WIZ: variants seen among roughly 807,000 people sequenced by gnomAD.
The protein encoded by WIZ is protein Wiz.
Under a neutral mutation model 140.2 loss-of-function variants are expected in WIZ, and 25 were observed. The ratio of observed to expected loss-of-function variants is 0.18; its 90% CI spans 0.13 to 0.25. The LOEUF is 0.25. Among genes scored for constraint, WIZ ranks in the 10% least tolerant of loss-of-function variants. WIZ has a pLI of 1.00. For synonymous variants in WIZ, 1,125 were observed against 1,154.3 expected (o/e 0.97, Z 0.51); for missense variants, 2,231 against 2,632.6 (o/e 0.85, Z 3.34).
chr19:15,429,691 G>A lies in WIZ; in HGVS notation c.3310C>T (p.Pro1104Ser), dbSNP rs1969093345. 5 of 1,441,314 alleles carry A rather than the reference G, an allele frequency of 3.5e-6. No individual in the cohort carries two copies. The highest frequency in any genetic ancestry group is 5.0e-5 in the East Asian group (2 of 39,740). 89.3% of individuals were successfully genotyped at this position (1,441,314 alleles called of 1,614,324 possible). The change falls in exon 7 of 13, where the codon CCT becomes TCT. Residue 1104 changes from proline to serine, a missense_variant. By Grantham distance (74) the Pro-to-Ser change is moderately conservative. Around this residue, in one of 15 missense-constraint regions of WIZ, gnomAD observed 163 missense variants for 166.8 expected, o/e 0.98. Coordinates refer to ENST00000673675, the MANE Select transcript of WIZ (RefSeq NM_001371589.1). ...TPLALAGSPT[P>S]KNPEDKSPQL... ...GGGCTCTTGTCCTCAGGATTCTTAG[G>A]GGTAGGGGAGCCCGCCAGGGCCAGT...
Position 15,424,564 on chromosome 19 carries a change from C to T in WIZ, c.5314+49G>A. On this transcript the variant is annotated intron_variant, in intron 11 of 12. Coordinates refer to ENST00000673675, the MANE Select transcript of WIZ (RefSeq NM_001371589.1). This position sits in a 1 kb window ranked among gnomAD's most constrained non-coding sequence, Gnocchi z 9.7. ...AGCGCCTGGGGAGTGGCTGGGTGGGCCTGACAGGTGCCCGCTGCGCTCCCG... is the reference window on the plus strand; with the variant it reads ...AGCGCCTGGGGAGTGGCTGGGTGGGTCTGACAGGTGCCCGCTGCGCTCCCG... 1.3e-6 allele frequency: 2 copies of T among 1,543,596 alleles called. No individual in the cohort carries two copies. Among genetic ancestry groups the T allele is most frequent in the Non-Finnish European group, 1.7e-6 (2 of 1,151,548 alleles).
chr19:15,445,087 A>C (rs1270265626), intron 2 of WIZ, among the ~76,000 whole-genome samples: 5 of 152,252 alleles, frequency 3.3e-5, no homozygotes, highest in African/African-American at 1.2e-4. Context: ...GGGATCCAGG[A>C]GTCCCTACGG....
intron 2 of WIZ, among the ~76,000 whole-genome samples, chr19:15,444,053 C>T (rs1410021097): frequency 4.6e-5 from 7 of 152,194 alleles, no homozygotes; most frequent in Admixed American, 3.3e-4. Flanking sequence ...GGCCAATTGC[C>T]CGGGCCAAGG....
intron 4 of WIZ, among the ~76,000 whole-genome samples, chr19:15,437,955 T>C (rs1039663874): frequency 6.6e-6 from 1 of 152,078 alleles, no homozygotes; most frequent in Admixed American, 6.6e-5. Context: ...CTGCCTGGTT[T>C]CCTGGTTGTC....
At position 15,437,123 on chromosome 19, in the gene WIZ, T is replaced by C. The variant is rs1447591509; in HGVS notation, c.2423A>G (p.Asn808Ser). The change falls in exon 5 of 13, where the codon AAC (asparagine) becomes AGC (serine). Residue 808 changes from asparagine to serine, a missense_variant. Asn to Ser is a conservative substitution (Grantham distance 46). Coordinates refer to ENST00000673675, the MANE Select transcript of WIZ (RefSeq NM_001371589.1). ...CAGGCTGAAGGTGCCTGGGTCAAAG[T>C]TGGCCACTGTGGAGAGAGGACAGGA... ...SFQKKKKKVANFDPGTFSLMR... is the reference protein window; with the variant it reads ...SFQKKKKKVASFDPGTFSLMR... The C allele has an allele frequency of 1.3e-6, 2 of 1,596,654 alleles. No homozygotes were observed. The highest frequency in any genetic ancestry group is 1.7e-6 in the Non-Finnish European group (2 of 1,172,336).
At position 15,437,144 on chromosome 19, in the gene WIZ, C is replaced by T; in HGVS notation, c.2417-15G>A. ...AAAGTTGGCCACTGTGGAGAGAGGA[C>T]AGGACTGCCTGAGGTGGAGAGGGGG... On this transcript the variant is annotated splice_polypyrimidine_tract_variant and intron_variant, in intron 4 of 12. Transcript: ENST00000673675. 1 of 1,571,506 alleles carries T rather than the reference C, an allele frequency of 6.4e-7. No individual in the cohort carries two copies. The highest frequency in any genetic ancestry group is 8.6e-7 in the Non-Finnish European group (1 of 1,159,400).
Position 15,425,683 on chromosome 19 carries a change from C to T in WIZ, c.4452G>A (p.Ala1484=), listed in dbSNP as rs747181116. The T allele has an allele frequency of 4.3e-6, 7 of 1,613,050 alleles. No individual in the cohort carries two copies. Among genetic ancestry groups the T allele is most frequent in the Admixed American group, 3.3e-5 (2 of 59,964 alleles). Residue 1484 remains alanine, a synonymous_variant, in exon 10 of 13, where the codon GCG becomes GCA. Transcript: ENST00000673675. Reference sequence around the variant, plus strand: ...CACCCATCTGCCGCAGGTGTGAGCGCGCGTGACTCGACAGGCCCTTGCGGT... The same window carrying T: ...CACCCATCTGCCGCAGGTGTGAGCGTGCGTGACTCGACAGGCCCTTGCGGT... ...FENRKGLSSH[A]RSHLRQMGVT...
Position 15,439,895 on chromosome 19 carries a change from G to C in WIZ, c.1099C>G (p.Leu367Val). Reference sequence around the variant, plus strand: ...TGATGCAGCTGCCGGTGCTGCTCCAGGGCAGTGGGGTCAGCAAAGGCCCAG... The same window carrying C: ...TGATGCAGCTGCCGGTGCTGCTCCACGGCAGTGGGGTCAGCAAAGGCCCAG... ...CGWAFADPTA[L>V]EQHRQLHQAS... Residue 367 changes from leucine to valine, a missense_variant, in exon 4 of 13, where the codon CTG becomes GTG. By Grantham distance (32) the Leu-to-Val change is conservative. Coordinates refer to ENST00000673675, the MANE Select transcript of WIZ (RefSeq NM_001371589.1). The surrounding 1 kb of genome is among the most constrained non-coding windows in gnomAD (Gnocchi z 7.0). The C allele has an allele frequency of 6.5e-7, 1 of 1,527,080 alleles. No homozygotes were observed. The highest frequency in any genetic ancestry group is 8.8e-7 in the Non-Finnish European group (1 of 1,141,776). The allele number at this position is 1,527,080 out of a possible 1,614,324, so 94.6% of individuals were successfully genotyped here.
chr19:15,441,648 G>A (rs1227069405), intron 3 of WIZ, among the ~76,000 whole-genome samples: 1 of 152,054 alleles, frequency 6.6e-6, no homozygotes, highest in African/African-American at 2.4e-5. Flanking sequence ...CCTCCATCAG[G>A]GGATGCCAAT....
intron 7 of WIZ, among the ~76,000 whole-genome samples, chr19:15,429,375 G>C (rs897275839): frequency 6.6e-6 from 1 of 152,214 alleles, no homozygotes; most frequent in Admixed American, 6.5e-5. Flanking sequence ...GATCAGCAAA[G>C]TAAAGTGGGA....
intron 5 of WIZ, among the ~76,000 whole-genome samples, chr19:15,435,945 A>G (rs1447685173): frequency 6.6e-6 from 1 of 152,030 alleles, no homozygotes; most frequent in Non-Finnish European, 1.5e-5. Context: ...CAACATGGTG[A>G]AAACCCATCT....
At chr19:15,437,507 T>C (rs1167466791) in intron 4 of WIZ, among the ~76,000 whole-genome samples, 2 of 152,142 alleles carry the variant, frequency 1.3e-5, no homozygotes, top group Non-Finnish European at 2.9e-5. Context: ...TATAAAAAAA[T>C]TAGCTGGGCA....
chr19:15,446,038 C>T lies in WIZ; in HGVS notation c.205+2065G>A, dbSNP rs186883895. Among the ~76,000 whole-genome samples the T allele has an allele frequency of 3.6e-3, 544 of 152,250 alleles. 9 individuals carry two copies. The highest frequency in any genetic ancestry group is 9.9e-4 in the Non-Finnish European group (67 of 68,006). On this transcript the variant is annotated intron_variant, in intron 2 of 12. Coordinates refer to ENST00000673675, the MANE Select transcript of WIZ (RefSeq NM_001371589.1). ...AGTGGGAGAGACGTGGTGTCCCAAACCCAGGCATTCTTCCAACATTCAGGC... is the reference window on the plus strand; with the variant it reads ...AGTGGGAGAGACGTGGTGTCCCAAATCCAGGCATTCTTCCAACATTCAGGC...
At position 15,439,526 on chromosome 19, in the gene WIZ, G is replaced by T. The variant is rs1402062322; in HGVS notation, c.1468C>A (p.Pro490Thr). ...REHVRLVHAH[P>T]HWEEDGEAYE... ...GCCTCGCCATCCTCCTCCCAGTGGG[G>T]ATGGGCATGCACCAGCCTCACGTGC... Residue 490 changes from proline (P) to threonine (T), a missense_variant, in exon 4 of 13, where the codon CCC becomes ACC. Pro to Thr is a conservative substitution (Grantham distance 38). Transcript: ENST00000673675. The surrounding 1 kb of genome is among the most constrained non-coding windows in gnomAD (Gnocchi z 7.0). 3.3e-6 allele frequency: 5 copies of T among 1,532,618 alleles called. No homozygotes were observed. Among genetic ancestry groups the T allele is most frequent in the Admixed American group, 3.9e-5 (2 of 50,670 alleles). 94.9% of individuals were successfully genotyped at this position (1,532,618 alleles called of 1,614,324 possible). A position where few individuals can be genotyped will look rare whatever the true frequency, so the allele number is the denominator to read the frequency against.
intron 5 of WIZ, among the ~76,000 whole-genome samples, chr19:15,434,259 A>T (rs796942147): frequency 0.035 from 4,350 of 123,596 alleles, 239 homozygotes; most frequent in African/African-American, 0.13. Context: ...CTCCATCTTT[A>T]AAAAAAAAAA....
intron 5 of WIZ, chr19:15,432,447 G>A (rs1969314176): frequency 8.1e-6 from 8 of 984,204 alleles, no homozygotes; most frequent in African/African-American, 1.8e-5. Flanking sequence ...GCGCGGGAGC[G>A]GACGCGGGCC....
rs780790565 is a variant in WIZ, at chr19:15,427,499, G to A, written c.3849C>T (p.Cys1283=). The A allele has an allele frequency of 2.6e-5, 42 of 1,611,186 alleles. No homozygotes were observed. The highest frequency in any genetic ancestry group is 3.3e-5 in the Non-Finnish European group (39 of 1,178,392). The change falls in exon 9 of 13, where the codon TGC becomes TGT. Residue 1283 remains cysteine, a synonymous_variant. Transcript: ENST00000673675. This position sits in a 1 kb window ranked among gnomAD's most constrained non-coding sequence, Gnocchi z 6.4. ...TCTCGAAGAACTCACCACAGAACTC[G>A]CAGCGGATGTCTCGTGCTGGCTCTG... The part of the protein sequence containing the change: ...SGPEPARDIR[C]EFCGEFFENR...
Position 15,440,365 on chromosome 19 carries a change from G to C in WIZ, c.629C>G (p.Pro210Arg). Residue 210 changes from proline to arginine, a missense_variant, in exon 4 of 13, where the codon CCA becomes CGA. Transcript: ENST00000673675. This position sits in a 1 kb window ranked among gnomAD's most constrained non-coding sequence, Gnocchi z 6.2. ...GLHLDLPAQP[P>R]PLAPFRRVFV... Reference sequence around the variant, plus strand: ...CACCCTCCTGAAGGGGGCGAGGGGTGGCGGCTGGGCAGGCAGGTCCAAGTG... The same window carrying C: ...CACCCTCCTGAAGGGGGCGAGGGGTCGCGGCTGGGCAGGCAGGTCCAAGTG... 6.5e-7 allele frequency: 1 copy of C among 1,531,348 alleles called. No individual in the cohort carries two copies. The highest frequency in any genetic ancestry group is 1.4e-5 in the African/African-American group (1 of 73,054). The allele number at this position is 1,531,348 out of a possible 1,614,324, so 94.9% of individuals were successfully genotyped here. A position where few individuals can be genotyped will look rare whatever the true frequency, so the allele number is the denominator to read the frequency against.
In WIZ at chr19:15,427,754, C is replaced by G. The variant is rs1039945268; in HGVS notation, c.3815-221G>C. Among the ~76,000 whole-genome samples, 1 of 152,014 alleles carries G rather than the reference C, an allele frequency of 6.6e-6. No individual in the cohort carries two copies. Among genetic ancestry groups the G allele is most frequent in the Non-Finnish European group, 1.5e-5 (1 of 67,988 alleles). ...AGAGCACATGGGCCCTCAGTCCTGG[C>G]GGAGGAGGATGGAACCAAGATTCCA... On this transcript the variant is annotated intron_variant, in intron 8 of 12. Transcript: ENST00000673675. This position sits in a 1 kb window ranked among gnomAD's most constrained non-coding sequence, Gnocchi z 6.4.
Sources: allele counts gnomAD v4.1 joint callset (sites outside exome capture counted in the v4.1 genomes callset), GRCh38; gene constraint gnomAD v4.1.1; regional missense constraint gnomAD v4.1.1; non-coding constraint Gnocchi (gnomAD v3.1); transcripts MANE v1.5; gene names NCBI Gene and HGNC (gene_info 2026-07-23, HGNC 2026-07-21).